Variants in RB1 observed in about 807,000 individuals in gnomAD.
RB1 encodes retinoblastoma-associated protein.
A neutral mutation model predicts 135.4 loss-of-function variants in RB1; 18 were observed. That is an observed-to-expected ratio of 0.13 (90% CI 0.09 to 0.20). RB1 has a LOEUF of 0.20. Ranked by LOEUF, RB1 falls within the 10% of genes least tolerant of loss-of-function variation. The probability of loss-of-function intolerance (pLI) is 1.00; values close to 1 mark genes in which losing one functional copy is unlikely to be tolerated. For missense variants in RB1, 868 were observed against 1,110.0 expected, an observed-to-expected ratio of 0.78 and a Z score of 3.10; for synonymous variants, 365 against 373.2, an observed-to-expected ratio of 0.98 and a Z score of 0.25.
intron 19 of RB1, 52 bp from the exon 20 acceptor site, chr13:48,459,636 C>T (rs955690198): frequency 1.3e-6 from 2 of 1,592,028 alleles, no homozygotes; most frequent in Non-Finnish European, 1.7e-6. Context: ...AAAAAATCTA[C>T]TTGTAATTCA....
At chr13:48,337,049 G>A (rs1408334908) in intron 2 of RB1, among the ~76,000 whole-genome samples, 2 of 152,196 alleles carry the variant, frequency 1.3e-5, no homozygotes, top group Admixed American at 6.5e-5. Context: ...CTGAGAGACA[G>A]TTTGTTATAA....
chr13:48,388,558 G>A (rs1948587677), intron 17 of RB1, among the ~76,000 whole-genome samples: 1 of 152,098 alleles, frequency 6.6e-6, no homozygotes, highest in Non-Finnish European at 1.5e-5. Context: ...ATCAGGAAAT[G>A]AATGCTTAGA....
chr13:48,306,791 C>T (rs1952084306), intron 1 of RB1, among the ~76,000 whole-genome samples: 1 of 152,172 alleles, frequency 6.6e-6, no homozygotes, highest in African/African-American at 2.4e-5. Context: ...AAATGCTTGT[C>T]TTTGTTAAGG....
chr13:48,317,691 C>T, intron 2 of RB1: 1 of 550,034 alleles, frequency 1.8e-6, no homozygotes, highest in Non-Finnish European at 2.8e-6. Flanking sequence ...GTGCCGGATC[C>T]CCTTGGGCGG....
At chr13:48,434,833 G>GT (rs890681385) in intron 17 of RB1, among the ~76,000 whole-genome samples, 3 of 152,010 alleles carry the variant, frequency 2.0e-5, no homozygotes, top group African/African-American at 4.8e-5. Flanking sequence ...AACAGGATTA[G>GT]TTTTTTTTCT....
chr13:48,359,927 A>G (rs1952623685), intron 6 of RB1, 90 bp from the exon 7 acceptor site: 2 of 1,539,804 alleles, frequency 1.3e-6, no homozygotes, highest in African/African-American at 2.8e-5. Context: ...TTGAATGAAT[A>G]AATTTATGGA....
chr13:48,336,537 T>G (rs61975698), intron 2 of RB1, among the ~76,000 whole-genome samples: 1 of 152,144 alleles, frequency 6.6e-6, no homozygotes, highest in Non-Finnish European at 1.5e-5. Context: ...TGATATCCCC[T>G]TTATCATTTT....
intron 2 of RB1, among the ~76,000 whole-genome samples, chr13:48,336,776 G>T (rs999217809): frequency 4.0e-5 from 6 of 150,800 alleles, no homozygotes; most frequent in Admixed American, 6.6e-5. Context: ...GTGATGTTAG[G>T]GTGTCAATTT....
intron 6 of RB1, among the ~76,000 whole-genome samples, chr13:48,350,351 T>G (rs1322942577): frequency 1.3e-5 from 2 of 151,990 alleles, no homozygotes. Context: ...AGAATAAAAC[T>G]AGAAATTAAT....
At chr13:48,378,109 C>A (rs1262866554) in intron 13 of RB1, among the ~76,000 whole-genome samples, 2 of 152,138 alleles carry the variant, frequency 1.3e-5, no homozygotes, top group African/African-American at 4.8e-5. Context: ...TATGACATGA[C>A]TGTACACTAT....
At chr13:48,367,434 G>A in intron 9 of RB1, 60 bp from the exon 10 acceptor site, 4 of 1,562,542 alleles carry the variant, frequency 2.6e-6, no homozygotes, top group Non-Finnish European at 2.6e-6. Context: ...CTGTGCCTCT[G>A]TGTGCTGAGA....
chr13:48,353,955 A>G (rs890279387), intron 6 of RB1, among the ~76,000 whole-genome samples: 1 of 152,140 alleles, frequency 6.6e-6, no homozygotes, highest in Admixed American at 6.6e-5. Flanking sequence ...AATAAAAGCC[A>G]TATATAACAG....
intron 17 of RB1, among the ~76,000 whole-genome samples, chr13:48,428,737 A>T (rs538623435): frequency 6.6e-6 from 1 of 152,324 alleles, no homozygotes; most frequent in South Asian, 2.1e-4. Context: ...TATTTATTTA[A>T]AAAGTTTGCA....
At chr13:48,409,874 C>A (rs187477230) in intron 17 of RB1, among the ~76,000 whole-genome samples, 1 of 151,936 alleles carries the variant, frequency 6.6e-6, no homozygotes, top group East Asian at 1.9e-4. Context: ...CCACCGTGCC[C>A]GGCCTGAATT....
At chr13:48,386,403 A>G (rs1030632768) in intron 17 of RB1, among the ~76,000 whole-genome samples, 15 of 152,062 alleles carry the variant, frequency 9.9e-5, no homozygotes, top group African/African-American at 3.1e-4. Context: ...TGTCTTTTTA[A>G]TATTCAATGT....
intron 12 of RB1, among the ~76,000 whole-genome samples, chr13:48,375,715 A>T (rs1008051136): frequency 6.6e-6 from 1 of 151,872 alleles, no homozygotes; most frequent in African/African-American, 2.4e-5. Flanking sequence ...AGTAGCTGGG[A>T]TTGCAGAAGC....
intron 9 of RB1, among the ~76,000 whole-genome samples, chr13:48,365,504 TTTGC>T (rs1485648303): frequency 1.3e-5 from 2 of 152,206 alleles, no homozygotes; most frequent in African/African-American, 4.8e-5. Context: ...TGTTTCGCAT[TTTGC>T]TACAAATGTC....
chr13:48,369,065 A>T (rs1952732799), intron 11 of RB1, among the ~76,000 whole-genome samples: 1 of 152,202 alleles, frequency 6.6e-6, no homozygotes, highest in Non-Finnish European at 1.5e-5. Flanking sequence ...GTTGCTGAAG[A>T]TATGGTTATT....
chr13:48,362,795 C>G lies in RB1; in HGVS notation c.719-20C>G, dbSNP rs2138111990. 4 of 1,609,770 alleles carry G rather than the reference C, an allele frequency of 2.5e-6. No homozygotes were observed. The highest frequency in any genetic ancestry group is 3.4e-6 in the Non-Finnish European group (4 of 1,176,246). On this transcript the variant is annotated intron_variant, in intron 7 of 26. Transcript: ENST00000267163. Reference sequence around the variant, plus strand: ...ATGATGGATGTACAATTGTTCTTATCTAATTTACCACTTTTACAGAAACAG... The same window carrying G: ...ATGATGGATGTACAATTGTTCTTATGTAATTTACCACTTTTACAGAAACAG...
Sources: gnomAD v4.1 joint callset for allele counts (sites outside exome capture counted in the v4.1 genomes callset) on GRCh38, gnomAD v4.1.1 for gene constraint, MANE v1.5 for transcripts, NCBI Gene and HGNC (gene_info 2026-07-23, HGNC 2026-07-21) for gene names.